The following LRRFIP2 variants were observed in gnomAD, a reference collection of about 807,000 sequenced individuals.
LRRFIP2 encodes LRR binding FLII interacting protein 2, also known as leucine-rich repeat flightless-interacting protein 2.
In LRRFIP2, 109 loss-of-function variants were observed where a neutral mutation model predicts 125.9. The ratio of observed to expected loss-of-function variants is 0.87; its 90% CI spans 0.74 to 1.01. The LOEUF (loss-of-function observed/expected upper bound fraction) is 1.01, where lower values mean the gene tolerates loss of function less well. LRRFIP2 is among the 50% of genes least tolerant of loss of function. The pLI, the probability that LRRFIP2 is intolerant of heterozygous loss-of-function variation, is 0.00. For synonymous variants in LRRFIP2, 291 were observed against 293.1 expected, an observed-to-expected ratio of 0.99 and a Z score of 0.07; for missense variants, 850 against 862.3, an observed-to-expected ratio of 0.99 and a Z score of 0.18.
intron 15 of LRRFIP2, among the ~76,000 whole-genome samples, chr3:37,102,207 TA>T (rs2094097953): frequency 6.6e-6 from 1 of 152,140 alleles, no homozygotes; most frequent in Non-Finnish European, 1.5e-5. Flanking sequence ...ATGATAATGA[TA>T]TAAGAGATCT....
intron 18 of LRRFIP2, among the ~76,000 whole-genome samples, chr3:37,090,047 T>C (rs563979762): frequency 1.1e-4 from 16 of 152,314 alleles, no homozygotes; most frequent in Admixed American, 5.9e-4. Context: ...ATGGACCATA[T>C]CACTTGCATG....
At chr3:37,124,495 AGACCCTGGTAGCAACGATATAAAGT>A (rs1559955609) in intron 4 of LRRFIP2, among the ~76,000 whole-genome samples, 2 of 152,344 alleles carry the variant, frequency 1.3e-5, no homozygotes, top group East Asian at 3.9e-4. Context: ...TGAGGGAAAC[AGACCCTGGTAGCAACGATATAAAGT>A]GACCCTGGTA....
At chr3:37,108,571 T>C in intron 12 of LRRFIP2, 66 bp downstream of exon 12, 12 of 1,344,914 alleles carry the variant, frequency 8.9e-6, no homozygotes, top group Non-Finnish European at 1.2e-5. Context: ...TGACTTTTTC[T>C]TTGAAAGTAA....
In LRRFIP2 at chr3:37,083,658, C is replaced by CTA; in HGVS notation, c.1254_1255dup (p.Arg419IlefsTer11). 6.4e-7 allele frequency: 1 copy of CTA among 1,561,560 alleles called. No individual in the cohort carries two copies. The highest frequency in any genetic ancestry group is 8.6e-7 in the Non-Finnish European group (1 of 1,162,984). On this transcript the variant is annotated frameshift_variant, in exon 19 of 28. Transcript: ENST00000336686. LOFTEE classifies it high-confidence loss of function. ...TACCTTTGATTTTTCTTCATTTTCT[C>CTA]TATAAAATTCTGCCATCTGTTCCTC...
intron 2 of LRRFIP2, among the ~76,000 whole-genome samples, chr3:37,136,665 G>A (rs1204430295): frequency 2.0e-5 from 3 of 151,878 alleles, no homozygotes; most frequent in African/African-American, 7.3e-5. Context: ...TCAAAGAAGA[G>A]GATAGAATAT....
chr3:37,111,116 C>G, intron 8 of LRRFIP2, 51 bp from the exon 9 acceptor site: 1 of 1,479,192 alleles, frequency 6.8e-7, no homozygotes, highest in Non-Finnish European at 9.4e-7. Flanking sequence ...TGTTAATAAC[C>G]TAACAACACA....
At chr3:37,077,673 A>C (rs926582902) in intron 19 of LRRFIP2, among the ~76,000 whole-genome samples, 1 of 152,174 alleles carries the variant, frequency 6.6e-6, no homozygotes, top group Admixed American at 6.5e-5. Flanking sequence ...GTGACTCCAG[A>C]TCTATGTAAC....
rs575629706 is a variant in LRRFIP2, at chr3:37,161,793, A to G, written c.-56+12746T>C. 4.5e-5 allele frequency among the ~76,000 whole-genome samples: 6 copies of G among 132,358 alleles called. No individual in the cohort carries two copies. The East Asian group carries it at 1.2e-3, about 26-fold the overall frequency. The allele number at this position is 132,358 out of a possible 152,430, so 86.8% of individuals were successfully genotyped here. On this transcript the variant is annotated intron_variant, in intron 1 of 27. Transcript: ENST00000336686. ...GTTCAAGAAGTCTTACAGAAAACAG[A>G]AAAAAAAAAAAAAGAGAGAGAGGTA...
At chr3:37,064,624 A>G (rs1468713) in intron 23 of LRRFIP2, 54,111 of 149,434 alleles carry the variant, frequency 0.36, 10,771 homozygotes, top group Non-Finnish European at 0.45. Context: ...ATCCATGGGT[A>G]GATCTGCGGC....
intron 1 of LRRFIP2, among the ~76,000 whole-genome samples, chr3:37,167,610 C>T (rs933064133): frequency 6.7e-6 from 1 of 148,774 alleles, no homozygotes; most frequent in East Asian, 2.0e-4. Flanking sequence ...GCCGAGATCG[C>T]GCCACTGCAC....
chr3:37,169,880 T>C (rs80200976), intron 1 of LRRFIP2, among the ~76,000 whole-genome samples: 9,503 of 152,288 alleles, frequency 0.062, 351 homozygotes, highest in African/African-American at 0.1. Context: ...GAAAGCACCC[T>C]GGTATGTATT....
chr3:37,059,750 G>A (rs2087973565), intron 24 of LRRFIP2, among the ~76,000 whole-genome samples: 1 of 151,350 alleles, frequency 6.6e-6, no homozygotes, highest in African/African-American at 2.4e-5. Flanking sequence ...TCACATCACT[G>A]CACTCCAGCC....
chr3:37,146,585 G>T (rs913160489), intron 2 of LRRFIP2, among the ~76,000 whole-genome samples: 3 of 152,142 alleles, frequency 2.0e-5, no homozygotes, highest in African/African-American at 7.2e-5. Context: ...CTGTTCCTGT[G>T]TTAGTCTGTT....
At chr3:37,160,623 T>C (rs907547298) in intron 1 of LRRFIP2, among the ~76,000 whole-genome samples, 3 of 151,188 alleles carry the variant, frequency 2.0e-5, no homozygotes, top group African/African-American at 4.9e-5. Context: ...CTACTAAAAA[T>C]ACAAAATTAG....
At chr3:37,108,379 G>A (rs948005017) in intron 12 of LRRFIP2, among the ~76,000 whole-genome samples, 5 of 152,174 alleles carry the variant, frequency 3.3e-5, no homozygotes, top group Non-Finnish European at 5.9e-5. Context: ...TAATGAACAA[G>A]AAAAGTGGTT....
chr3:37,136,680 T>C (rs1481393962), intron 2 of LRRFIP2, among the ~76,000 whole-genome samples: 2 of 152,080 alleles, frequency 1.3e-5, no homozygotes, highest in Non-Finnish European at 2.9e-5. Context: ...GAATATATAG[T>C]ATTTCTCAGA....
intron 2 of LRRFIP2, among the ~76,000 whole-genome samples, chr3:37,145,257 C>G (rs2095827481): frequency 6.6e-6 from 1 of 152,134 alleles, no homozygotes; most frequent in Admixed American, 6.5e-5. Flanking sequence ...TGTCAAACAA[C>G]TATATCTTCC....
At chr3:37,134,181 CAA>C (rs35540438) in intron 2 of LRRFIP2, among the ~76,000 whole-genome samples, 103 of 110,620 alleles carry the variant, frequency 9.3e-4, no homozygotes, top group Admixed American at 8.2e-4. Context: ...GACTCTGTCT[CAA>C]AAAAAAAAAA....
intron 20 of LRRFIP2, among the ~76,000 whole-genome samples, chr3:37,073,148 A>G (rs1238383110): frequency 6.6e-6 from 1 of 152,258 alleles, no homozygotes; most frequent in Non-Finnish European, 1.5e-5. Flanking sequence ...GCAGCAAGCC[A>G]GCTAGAATTT....
Sources: gnomAD v4.1 joint callset for allele counts (sites outside exome capture counted in the v4.1 genomes callset) on GRCh38, gnomAD v4.1.1 for gene constraint, MANE v1.5 for transcripts, NCBI Gene and HGNC (gene_info 2026-07-23, HGNC 2026-07-21) for gene names.